OR7C1: variants seen among roughly 807,000 people sequenced by gnomAD.
The protein encoded by OR7C1 is olfactory receptor family 7 subfamily C member 1.
For missense variants in OR7C1, 324 were observed against 383.3 expected, an observed-to-expected ratio of 0.85 and a Z score of 1.29; for synonymous variants, 152 against 160.7, an observed-to-expected ratio of 0.95 and a Z score of 0.41.
rs1413082797 is a variant in OR7C1 at position 14,803,305 on chromosome 19, TC to T, written c.-434-2542del. Reference sequence around the variant, plus strand: ...CTGGGTGATAGAGGGAGACTATGTCTCCAAAAAAAAAAAAAAAAAAAGAAAA... The same window carrying T: ...CTGGGTGATAGAGGGAGACTATGTCTCAAAAAAAAAAAAAAAAAAAGAAAA... On this transcript the variant is annotated intron_variant, in intron 2 of 4. Transcript: ENST00000641666. Among the ~76,000 whole-genome samples the T allele has an allele frequency of 1.4e-4, 9 of 65,224 alleles. No homozygotes were observed. In the East Asian group the frequency reaches 2.4e-3, roughly 18 times the overall value. 42.8% of individuals were successfully genotyped at this position (65,224 alleles called of 152,430 possible). A position where few individuals can be genotyped will look rare whatever the true frequency, so the allele number is the denominator to read the frequency against.
chr19:14,812,235 T>C (rs866075564), intron 1 of OR7C1, among the ~76,000 whole-genome samples: 4 of 152,302 alleles, frequency 2.6e-5, no homozygotes, highest in Middle Eastern at 3.4e-3. Flanking sequence ...ATCTCTTCCA[T>C]TGAGGGAAGA....
At chr19:14,800,747 C>G (rs532130503) in exon 3 of OR7C1, 1 of 152,346 alleles carries the variant, frequency 6.6e-6, no homozygotes. Context: ...CACGAGCAGA[C>G]AAGATGGCGC....
intron 2 of OR7C1, among the ~76,000 whole-genome samples, chr19:14,804,622 G>A (rs2044657557): frequency 6.6e-6 from 1 of 151,996 alleles, no homozygotes; most frequent in South Asian, 2.1e-4. Flanking sequence ...TCGTTTACAT[G>A]CAATCTCATT....
chr19:14,803,383 T>C (rs932610170), intron 2 of OR7C1, among the ~76,000 whole-genome samples: 14 of 151,514 alleles, frequency 9.2e-5, no homozygotes, highest in Non-Finnish European at 1.3e-4. Flanking sequence ...AGCTGGCTGC[T>C]CCATCCTAAT....
intron 1 of OR7C1, among the ~76,000 whole-genome samples, chr19:14,822,863 C>T (rs1466894811): frequency 1.3e-5 from 2 of 149,738 alleles, no homozygotes; most frequent in African/African-American, 2.5e-5. Flanking sequence ...TTTTTTTAAA[C>T]TGGGTTACTT....
chr19:14,816,216 A>G (rs1304572648), intron 1 of OR7C1, among the ~76,000 whole-genome samples: 3 of 152,152 alleles, frequency 2.0e-5, no homozygotes, highest in African/African-American at 4.8e-5. Context: ...TCTTTTAAAA[A>G]GTTAAAGAAA....
chr19:14,818,453 T>C (rs1428972021), intron 1 of OR7C1, among the ~76,000 whole-genome samples: 1 of 152,150 alleles, frequency 6.6e-6, no homozygotes, highest in Non-Finnish European at 1.5e-5. Context: ...GAAAAAAATA[T>C]GTTTATTTAA....
In OR7C1 at chr19:14,804,665, G is replaced by T. The variant is rs115801332; in HGVS notation, c.-434-3901C>A. On this transcript the variant is annotated intron_variant, in intron 2 of 4. Coordinates refer to ENST00000641666, the Ensembl canonical transcript of OR7C1. ...AATAGCCACAATACATAAACGAGTC[G>T]CAGGATAACGAGTCGCAGGGACTGG... Among the ~76,000 whole-genome samples the T allele has an allele frequency of 3.7e-3, 558 of 151,826 alleles. 13 individuals carry two copies. Among genetic ancestry groups the T allele is most frequent in the African/African-American group, 0.012 (515 of 41,202 alleles).
intron 1 of OR7C1, among the ~76,000 whole-genome samples, chr19:14,812,229 C>T (rs1182275189): frequency 6.6e-6 from 1 of 152,184 alleles, no homozygotes; most frequent in East Asian, 1.9e-4. Context: ...TCTATAATCT[C>T]TTCCATTGAG....
chr19:14,810,440 C>T (rs375784775), intron 1 of OR7C1, among the ~76,000 whole-genome samples: 3 of 151,270 alleles, frequency 2.0e-5, no homozygotes, highest in Non-Finnish European at 4.4e-5. Context: ...AGTGCAGTGG[C>T]GCAATCTTGG....
intron 1 of OR7C1, among the ~76,000 whole-genome samples, chr19:14,821,661 A>G (rs1038158489): frequency 1.3e-5 from 2 of 152,248 alleles, no homozygotes; most frequent in Non-Finnish European, 2.9e-5. Context: ...ACTAGTTTGT[A>G]GGTACCCTTA....
intron 2 of OR7C1, among the ~76,000 whole-genome samples, chr19:14,801,691 T>C (rs1005250184): frequency 6.6e-6 from 1 of 152,182 alleles, no homozygotes; most frequent in East Asian, 1.9e-4. Flanking sequence ...AAGAAAGTGG[T>C]TTAGTTGATT....
At chr19:14,814,639 G>C (rs1387020743) in intron 1 of OR7C1, among the ~76,000 whole-genome samples, 2 of 152,066 alleles carry the variant, frequency 1.3e-5, no homozygotes, top group Non-Finnish European at 2.9e-5. Context: ...TGGCCAGGCT[G>C]GTCTCGAACT....
chr19:14,818,430 G>C (rs1301646467), intron 1 of OR7C1, among the ~76,000 whole-genome samples: 1 of 151,800 alleles, frequency 6.6e-6, no homozygotes, highest in East Asian at 1.9e-4. Flanking sequence ...TTTCTCATGC[G>C]GGTTATCCAG....
At chr19:14,809,225 A>G (rs2044679778) in intron 2 of OR7C1, among the ~76,000 whole-genome samples, 1 of 151,940 alleles carries the variant, frequency 6.6e-6, no homozygotes, top group Non-Finnish European at 1.5e-5. Flanking sequence ...TCTAGAGGGA[A>G]AACGCTGAAG....
At chr19:14,828,291 A>T (rs747111149) in intron 1 of OR7C1, 4 of 1,547,020 alleles carry the variant, frequency 2.6e-6, no homozygotes. Flanking sequence ...GAAACGAGAC[A>T]GGCATGCATT....
exon 5 of OR7C1, chr19:14,799,942 G>T (rs1316433266): frequency 6.2e-7 from 1 of 1,613,988 alleles, no homozygotes; most frequent in Admixed American, 1.7e-5. Context: ...CAAAAGACAG[G>T]TTGGAGAGGA....
At chr19:14,832,999 T>C (rs2044849204) in intron 1 of OR7C1, among the ~76,000 whole-genome samples, 1 of 152,232 alleles carries the variant, frequency 6.6e-6, no homozygotes, top group Middle Eastern at 3.2e-3. Context: ...CAGTTATTAT[T>C]TGCTGAATGA....
At chr19:14,827,704 C>T (rs2044785022) in intron 1 of OR7C1, 5 of 1,614,010 alleles carry the variant, frequency 3.1e-6, no homozygotes, top group Non-Finnish European at 4.2e-6. Flanking sequence ...TGATTAAGTT[C>T]ACAGAAAAAG....
Sources: gnomAD v4.1 joint callset for allele counts (sites outside exome capture counted in the v4.1 genomes callset) on GRCh38, gnomAD v4.1.1 for gene constraint, MANE v1.5 for transcripts, NCBI Gene and HGNC (gene_info 2026-07-23, HGNC 2026-07-21) for gene names.